Variants in CCDC50 observed in about 807,000 individuals in gnomAD.
CCDC50 encodes the protein coiled-coil domain containing 50.
CCDC50 carries 54 observed loss-of-function variants against 70.2 expected under a neutral mutation model. That is an observed-to-expected ratio of 0.77 (90% CI 0.62 to 0.96). The LOEUF is 0.96. Among genes scored for constraint, CCDC50 ranks in the 50% least tolerant of loss-of-function variants. The pLI is 0.00. For synonymous variants in CCDC50, 216 were observed against 198.8 expected (o/e 1.09, Z -0.73); for missense variants, 558 against 578.7 (o/e 0.96, Z 0.37).
At chr3:191,341,171 A>C (rs1477642108) in intron 1 of CCDC50, among the ~76,000 whole-genome samples, 1 of 152,166 alleles carries the variant, frequency 6.6e-6, no homozygotes, top group East Asian at 1.9e-4. Context: ...GACTAGATCT[A>C]TGTTAATCAG....
At chr3:191,377,534 C>T (rs1190669508) in intron 6 of CCDC50, among the ~76,000 whole-genome samples, 1 of 152,074 alleles carries the variant, frequency 6.6e-6, no homozygotes, top group Non-Finnish European at 1.5e-5. Context: ...TCATTTTCTG[C>T]AGGTTAACTT....
intron 10 of CCDC50, among the ~76,000 whole-genome samples, chr3:191,389,079 T>C (rs1267521401): frequency 6.6e-6 from 1 of 152,152 alleles, no homozygotes; most frequent in African/African-American, 2.4e-5. Context: ...TCTCTTACCC[T>C]TCCTTTTTTC....
intron 1 of CCDC50, among the ~76,000 whole-genome samples, chr3:191,335,832 G>A (rs534136381): frequency 6.6e-6 from 1 of 151,908 alleles, no homozygotes; most frequent in African/African-American, 2.4e-5. Context: ...TTCCTTTTTA[G>A]TGTGTAGTTC....
In CCDC50 at chr3:191,375,430, G is replaced by A. The variant is rs940824214; in HGVS notation, c.817G>A (p.Asp273Asn). The stretch of plus-strand genomic sequence containing the variant: ...TTGGGAAAAACAGTCTCGACACCAA[G>A]ATCGACTTTCACCCAAGTCCTCACA... ...RNWEKQSRHQ[D>N]RLSPKSSQKA... Residue 273 changes from aspartate (D) to asparagine (N), a missense_variant, in exon 6 of 12, where the codon GAT becomes AAT. Asp to Asn is a conservative substitution (Grantham distance 23). Coordinates refer to ENST00000392455, the MANE Select transcript of CCDC50 (RefSeq NM_178335.3). The A allele has an allele frequency of 6.2e-7, 1 of 1,613,800 alleles. No individual in the cohort carries two copies. Among genetic ancestry groups the A allele is most frequent in the African/African-American group, 1.3e-5 (1 of 75,028 alleles).
chr3:191,373,097 A>G (rs150815136), intron 5 of CCDC50, among the ~76,000 whole-genome samples: 2,039 of 151,750 alleles, frequency 0.013, 27 homozygotes, highest in Non-Finnish European at 0.02. Flanking sequence ...GTGTGTGTGT[A>G]TATATATATT....
In CCDC50 at chr3:191,346,918, C is replaced by T. The variant is rs1481302553; in HGVS notation, c.50-10170C>T. On this transcript the variant is annotated intron_variant, in intron 1 of 11. Coordinates refer to ENST00000392455, the MANE Select transcript of CCDC50 (RefSeq NM_178335.3). ...ATCAGCATCTTTTTATGAACAGTGA[C>T]TGAAATTTAGAAGTATTTGAGGAAA... is the stretch of plus-strand genomic sequence containing the variant. Among the ~76,000 whole-genome samples the T allele has an allele frequency of 2.1e-5, 3 of 144,020 alleles. 1 individual carries two copies. The Admixed American group carries it at 2.1e-4, about 10-fold the overall frequency. The allele number at this position is 144,020 out of a possible 152,430, so 94.5% of individuals were successfully genotyped here.
At chr3:191,330,294 AAAACAC>A (rs757942773) in intron 1 of CCDC50, 1 of 104,120 alleles carries the variant, frequency 9.6e-6, no homozygotes, top group Non-Finnish European at 1.8e-5. Context: ...TCTTACAAAC[AAAACAC>A]ACACACACAC....
intron 1 of CCDC50, among the ~76,000 whole-genome samples, chr3:191,338,668 TTTTTA>T (rs1711600388): frequency 6.6e-6 from 1 of 152,188 alleles, no homozygotes; most frequent in Non-Finnish European, 1.5e-5. Context: ...TCATTCCTTC[TTTTTA>T]TAGTTTCCCC....
chr3:191,390,346 T>G (rs1255236781), intron 11 of CCDC50, among the ~76,000 whole-genome samples: 1 of 152,212 alleles, frequency 6.6e-6, no homozygotes, highest in African/African-American at 2.4e-5. Flanking sequence ...GATACCTCAA[T>G]TGGACGAAAC....
intron 10 of CCDC50, among the ~76,000 whole-genome samples, chr3:191,389,035 T>G (rs1402867898): frequency 6.6e-6 from 1 of 152,122 alleles, no homozygotes; most frequent in Non-Finnish European, 1.5e-5. Flanking sequence ...ACTTTGCTCA[T>G]GAAATTTTGT....
chr3:191,362,431 C>CATGA (rs1453131687), intron 4 of CCDC50, among the ~76,000 whole-genome samples: 1 of 152,172 alleles, frequency 6.6e-6, no homozygotes, highest in Admixed American at 6.5e-5. Context: ...AGCTTAGTTT[C>CATGA]AGCACTTCTT....
In CCDC50 at chr3:191,391,979, C is replaced by A; in HGVS notation, c.*219C>A. ...GAAAATGTAGCTTCTGAATATTGGC[C>A]ACCTCTATGCTGCATATACTTCTTG... On this transcript the variant is annotated 3_prime_UTR_variant, in exon 12 of 12. Coordinates refer to ENST00000392455, the MANE Select transcript of CCDC50 (RefSeq NM_178335.3). 1.8e-6 allele frequency: 1 copy of A among 569,940 alleles called. No homozygotes were observed. The highest frequency in any genetic ancestry group is 3.1e-6 in the Non-Finnish European group (1 of 317,620). The allele number at this position is 569,940 out of a possible 1,614,324, so 35.3% of individuals were successfully genotyped here. A position where few individuals can be genotyped will look rare whatever the true frequency, so the allele number is the denominator to read the frequency against.
intron 3 of CCDC50, among the ~76,000 whole-genome samples, chr3:191,359,016 T>C (rs1712393645): frequency 6.6e-6 from 1 of 152,214 alleles, no homozygotes; most frequent in Admixed American, 6.5e-5. Context: ...TAAACACTTT[T>C]ATTGATTCAT....
Position 191,366,436 on chromosome 3 carries a change from T to A in CCDC50, c.331-3483T>A, listed in dbSNP as rs139634768. 3.3e-4 allele frequency among the ~76,000 whole-genome samples: 51 copies of A among 152,272 alleles called. No individual in the cohort carries two copies. In the East Asian group the frequency reaches 8.9e-3, roughly 27 times the overall value. ...GTGAGATACAATGGTAAACTCCCAT[T>A]TCAATTAATGTATTTACTAGGAAGT... is the stretch of plus-strand genomic sequence containing the variant. On this transcript the variant is annotated intron_variant, in intron 4 of 11. Coordinates refer to ENST00000392455, the MANE Select transcript of CCDC50 (RefSeq NM_178335.3).
chr3:191,353,480 C>A (rs540463267), intron 1 of CCDC50, among the ~76,000 whole-genome samples: 1 of 140,686 alleles, frequency 7.1e-6, no homozygotes, highest in African/African-American at 2.5e-5. Flanking sequence ...TGCCGTTTAT[C>A]CTCAGTAGGC....
chr3:191,364,457 T>G (rs1205591452), intron 4 of CCDC50, among the ~76,000 whole-genome samples: 1 of 151,994 alleles, frequency 6.6e-6, no homozygotes, highest in East Asian at 1.9e-4. Context: ...GCAGCAGGGC[T>G]GTGGAAAATC....
chr3:191,384,721 A>G (rs1713431657), intron 10 of CCDC50, among the ~76,000 whole-genome samples: 1 of 151,134 alleles, frequency 6.6e-6, no homozygotes, highest in African/African-American at 2.4e-5. Context: ...TTTTTTTTAC[A>G]AGGGTATATT....
chr3:191,341,740 C>G (rs58596458), intron 1 of CCDC50, among the ~76,000 whole-genome samples: 12,947 of 152,186 alleles, frequency 0.085, 672 homozygotes, highest in East Asian at 0.24. Flanking sequence ...AATTACCCCA[C>G]TCTTGTGAAA....
chr3:191,331,378 T>G (rs1717978355), intron 1 of CCDC50, among the ~76,000 whole-genome samples: 1 of 152,224 alleles, frequency 6.6e-6, no homozygotes, highest in Admixed American at 6.5e-5. Context: ...AATGATGTAT[T>G]CTAACATATT....
Sources: allele counts gnomAD v4.1 joint callset (sites outside exome capture counted in the v4.1 genomes callset), GRCh38; gene constraint gnomAD v4.1.1; transcripts MANE v1.5; gene names NCBI Gene and HGNC (gene_info 2026-07-23, HGNC 2026-07-21).